Variants in TLL1 observed in about 807,000 individuals in gnomAD.
TLL1 encodes the protein tolloid-like protein 1.
In TLL1, 49 loss-of-function variants were observed where a neutral mutation model predicts 128.2. The ratio of observed to expected loss-of-function variants is 0.38; its 90% confidence interval spans 0.30 to 0.48. TLL1 has a LOEUF of 0.48. TLL1 is among the 20% of genes least tolerant of loss of function. The probability of loss-of-function intolerance (pLI) is 0.96; values close to 1 mark genes in which losing one functional copy is unlikely to be tolerated. For synonymous variants in TLL1, 454 were observed against 418.8 expected, an observed-to-expected ratio of 1.08 and a Z score of -1.03; for missense variants, 1,123 against 1,242.0, an observed-to-expected ratio of 0.90 and a Z score of 1.44.
At chr4:165,959,150 C>A (rs2110955667) in intron 1 of TLL1, among the ~76,000 whole-genome samples, 1 of 152,060 alleles carries the variant, frequency 6.6e-6, no homozygotes, top group East Asian at 1.9e-4. Context: ...TAGCATGATG[C>A]CTCCGGCTTT....
At chr4:166,014,629 A>G (rs960324937) in intron 8 of TLL1, 69 bp downstream of exon 8, 41 of 1,598,542 alleles carry the variant, frequency 2.6e-5, no homozygotes, top group South Asian at 1.2e-4. Context: ...ATAAGCCATG[A>G]TTTACTCAAC....
intron 14 of TLL1, among the ~76,000 whole-genome samples, chr4:166,058,441 A>T (rs1740133116): frequency 6.6e-6 from 1 of 152,152 alleles, no homozygotes; most frequent in Non-Finnish European, 1.5e-5. Flanking sequence ...TTATCAATAA[A>T]AGATTGATTT....
chr4:166,055,787 T>A (rs1430310658), intron 13 of TLL1, among the ~76,000 whole-genome samples: 2 of 152,154 alleles, frequency 1.3e-5, no homozygotes, highest in Non-Finnish European at 2.9e-5. Flanking sequence ...TTCAGTTTAT[T>A]CTTATGTCCC....
intron 1 of TLL1, among the ~76,000 whole-genome samples, chr4:165,966,384 C>A (rs1735376420): frequency 6.6e-6 from 1 of 152,058 alleles, no homozygotes; most frequent in African/African-American, 2.4e-5. Context: ...AGTTAAAATG[C>A]AGATTTATGG....
chr4:166,026,382 G>A (rs1472910124), intron 9 of TLL1, among the ~76,000 whole-genome samples: 1 of 148,704 alleles, frequency 6.7e-6, no homozygotes, highest in African/African-American at 2.5e-5. Context: ...GACAGAGCAA[G>A]GCTCTGTCAA....
intron 19 of TLL1, among the ~76,000 whole-genome samples, chr4:166,095,385 A>G (rs1741972752): frequency 6.6e-6 from 1 of 151,092 alleles, no homozygotes; most frequent in African/African-American, 2.4e-5. Context: ...AGTCTTAAAT[A>G]AGTTAATTAA....
At chr4:165,995,316 A>G (rs1736825223) in intron 5 of TLL1, 138 bp downstream of exon 5, 1 of 709,574 alleles carries the variant, frequency 1.4e-6, no homozygotes, top group Non-Finnish European at 2.5e-6. Flanking sequence ...TTCCATAAAA[A>G]TATTATATAC....
intron 1 of TLL1, 41 bp from the exon 2 acceptor site, chr4:165,989,340 C>A: frequency 7.0e-7 from 1 of 1,434,084 alleles, no homozygotes; most frequent in Non-Finnish European, 9.8e-7. Context: ...ATTGATTTCA[C>A]GGAAATATTT....
chr4:165,963,148 G>A (rs1282336650), intron 1 of TLL1, among the ~76,000 whole-genome samples: 1 of 151,406 alleles, frequency 6.6e-6, no homozygotes, highest in Non-Finnish European at 1.5e-5. Flanking sequence ...ATAAATACTG[G>A]GGAATACAAG....
chr4:166,083,952 G>A (rs1006198011), intron 18 of TLL1, among the ~76,000 whole-genome samples: 6 of 151,954 alleles, frequency 3.9e-5, no homozygotes, highest in Non-Finnish European at 7.4e-5. Context: ...TTAACTTTTC[G>A]AGGAGACTCC....
intron 9 of TLL1, among the ~76,000 whole-genome samples, chr4:166,035,131 A>C (rs1042577767): frequency 5.3e-5 from 8 of 152,198 alleles, no homozygotes; most frequent in Admixed American, 6.6e-5. Context: ...CCATAGCGAG[A>C]GGTGTAAAAA....
At chr4:166,082,809 C>A (rs1310060604) in intron 18 of TLL1, among the ~76,000 whole-genome samples, 1 of 152,006 alleles carries the variant, frequency 6.6e-6, no homozygotes, top group African/African-American at 2.4e-5. Context: ...TCCCGAGTAG[C>A]TGGAATTACA....
chr4:166,003,607 G>T, intron 6 of TLL1, 38 bp downstream of exon 6: 1 of 1,598,824 alleles, frequency 6.3e-7, no homozygotes, highest in Non-Finnish European at 8.6e-7. Context: ...AAGGCTGACT[G>T]GGTATCTTTG....
chr4:166,042,015 T>C lies in TLL1; in HGVS notation c.1262-12T>C, dbSNP rs759562810. 16 of 1,575,948 alleles carry C rather than the reference T, an allele frequency of 1.0e-5. No individual in the cohort carries two copies. Among genetic ancestry groups the C allele is most frequent in the Admixed American group, 3.3e-5 (2 of 59,904 alleles). On this transcript the variant is annotated splice_polypyrimidine_tract_variant and intron_variant, in intron 10 of 20. Transcript: ENST00000061240. Reference sequence around the variant, plus strand: ...ATTTAGGAGTTTCTCTTTATTCTTTTATTTCTTTTAGGTAGATTCTGTGGG... The same window carrying C: ...ATTTAGGAGTTTCTCTTTATTCTTTCATTTCTTTTAGGTAGATTCTGTGGG...
chr4:166,011,450 T>C (rs1737694712), intron 7 of TLL1, among the ~76,000 whole-genome samples: 1 of 151,540 alleles, frequency 6.6e-6, no homozygotes, highest in African/African-American at 2.4e-5. Flanking sequence ...TGCATAAAAA[T>C]GCAGCTATTT....
intron 2 of TLL1, among the ~76,000 whole-genome samples, chr4:165,990,815 C>A (rs1299945836): frequency 2.0e-5 from 3 of 151,704 alleles, no homozygotes; most frequent in African/African-American, 7.3e-5. Context: ...ATAATAACAC[C>A]ATGTAAAAAT....
At chr4:166,013,908 C>CT (rs1003113265) in intron 7 of TLL1, among the ~76,000 whole-genome samples, 76 of 150,704 alleles carry the variant, frequency 5.0e-4, no homozygotes, top group Admixed American at 2.7e-3. Flanking sequence ...TTTTTTTTAT[C>CT]TTTTTTTTAA....
chr4:166,046,776 G>T (rs539608190), intron 12 of TLL1, among the ~76,000 whole-genome samples: 1 of 152,190 alleles, frequency 6.6e-6, no homozygotes, highest in East Asian at 1.9e-4. Flanking sequence ...AAACAGAAAC[G>T]CACAAAACAA....
intron 1 of TLL1, among the ~76,000 whole-genome samples, chr4:165,917,416 C>T (rs1056624634): frequency 3.3e-5 from 5 of 152,082 alleles, no homozygotes; most frequent in Admixed American, 3.3e-4. Flanking sequence ...CTTCTTTGAG[C>T]CTTTTTTTCC....
Sources: gnomAD v4.1 joint callset for allele counts (sites outside exome capture counted in the v4.1 genomes callset) on GRCh38, gnomAD v4.1.1 for gene constraint, MANE v1.5 for transcripts, NCBI Gene and HGNC (gene_info 2026-07-23, HGNC 2026-07-21) for gene names.